Variants in PDE1C observed in about 807,000 individuals in gnomAD.
PDE1C encodes dual specificity calcium/calmodulin-dependent 3',5'-cyclic nucleotide phosphodiesterase 1C.
A neutral mutation model predicts 93.1 loss-of-function variants in PDE1C; 62 were observed. The ratio of observed to expected loss-of-function variants is 0.67; its 90% CI spans 0.54 to 0.82. The LOEUF (loss-of-function observed/expected upper bound fraction) is 0.82, where lower values mean the gene tolerates loss of function less well. Ranked by LOEUF, PDE1C falls within the 40% of genes least tolerant of loss-of-function variation. PDE1C has a pLI of 0.00. For synonymous variants in PDE1C, 325 were observed against 310.1 expected (o/e 1.05, Z -0.50); for missense variants, 742 against 884.6 (o/e 0.84, Z 2.04).
At chr7:32,298,901 C>T in exon 1 of PDE1C, 2 of 1,362,746 alleles carry the variant, frequency 1.5e-6, no homozygotes, top group East Asian at 6.0e-5. Flanking sequence ...CTGGAGACAA[C>T]AGCGGGGACC....
intron 3 of PDE1C, among the ~76,000 whole-genome samples, chr7:32,093,157 T>C (rs189072251): frequency 1.3e-5 from 2 of 152,350 alleles, no homozygotes; most frequent in African/African-American, 2.4e-5. Flanking sequence ...CATAGAAGGG[T>C]AGGTAGAATG....
chr7:32,310,885 C>T (rs1783013326), intron 1 of PDE1C, among the ~76,000 whole-genome samples: 1 of 151,804 alleles, frequency 6.6e-6, no homozygotes, highest in African/African-American at 2.4e-5. Flanking sequence ...TAGCAGAAGG[C>T]AAGAAATAAC....
chr7:31,675,022 A>G, the PDE1C span, among the ~76,000 whole-genome samples: 1 of 152,184 alleles, frequency 6.6e-6, no homozygotes, highest in Admixed American at 6.5e-5. Context: ...TACGCTTGCT[A>G]CTTTGGGCTG....
chr7:31,792,851 A>G (rs945839262), intron 16 of PDE1C, among the ~76,000 whole-genome samples: 5 of 152,128 alleles, frequency 3.3e-5, no homozygotes, highest in Non-Finnish European at 7.4e-5. Context: ...CACAAAAAGT[A>G]GTTAAATCCT....
the PDE1C span, among the ~76,000 whole-genome samples, chr7:31,741,192 A>G: frequency 6.6e-6 from 1 of 151,064 alleles, no homozygotes; most frequent in Admixed American, 6.6e-5. Flanking sequence ...CACCTTTTTT[A>G]TTTCTATTTT....
At chr7:31,786,004 A>T (rs1336617067) in intron 16 of PDE1C, 1 of 152,202 alleles carries the variant, frequency 6.6e-6, no homozygotes, top group African/African-American at 2.4e-5. Flanking sequence ...CCATTTGTTC[A>T]TGCATAAGAT....
At chr7:31,783,457 A>G (rs1333778012) in intron 16 of PDE1C, 1 of 152,220 alleles carries the variant, frequency 6.6e-6, no homozygotes, top group East Asian at 1.9e-4. Context: ...TATCTGAGAC[A>G]GAACATGGAC....
chr7:31,871,776 G>A (rs1044590582), intron 6 of PDE1C, among the ~76,000 whole-genome samples: 1 of 151,170 alleles, frequency 6.6e-6, no homozygotes, highest in Non-Finnish European at 1.5e-5. Context: ...AATTGGTACA[G>A]TCACTATGGA....
upstream of PDE1C, chr7:32,070,707 C>T: frequency 8.2e-7 from 1 of 1,213,688 alleles, no homozygotes; most frequent in Non-Finnish European, 1.0e-6. Flanking sequence ...AGAGAAAGCA[C>T]CTCGGGTCTA....
At chr7:32,035,835 T>C (rs933583907) in intron 2 of PDE1C, among the ~76,000 whole-genome samples, 4 of 152,192 alleles carry the variant, frequency 2.6e-5, no homozygotes, top group Non-Finnish European at 2.9e-5. Flanking sequence ...CTGATGGCAA[T>C]GGATGCCAGC....
At chr7:31,657,424 A>T in the PDE1C span, among the ~76,000 whole-genome samples, 4 of 152,216 alleles carry the variant, frequency 2.6e-5, no homozygotes, top group African/African-American at 9.6e-5. Context: ...TCTCATTGCT[A>T]TAGAAAAATT....
intron 1 of PDE1C, among the ~76,000 whole-genome samples, chr7:32,321,750 C>T (rs1359646553): frequency 6.6e-6 from 1 of 152,172 alleles, no homozygotes; most frequent in African/African-American, 2.4e-5. Flanking sequence ...GCATAAATTT[C>T]CCAGGGCAGG....
At chr7:31,670,147 C>G in the PDE1C span, among the ~76,000 whole-genome samples, 6 of 152,186 alleles carry the variant, frequency 3.9e-5, no homozygotes, top group African/African-American at 1.4e-4. Flanking sequence ...CTGAGTATCC[C>G]TTATCTGAAA....
chr7:32,003,417 T>C (rs1307332565), intron 2 of PDE1C, among the ~76,000 whole-genome samples: 5 of 152,230 alleles, frequency 3.3e-5, no homozygotes, highest in Non-Finnish European at 5.9e-5. Context: ...TTCTGTATAG[T>C]GCAATCACAT....
intron 1 of PDE1C, among the ~76,000 whole-genome samples, chr7:32,332,429 A>T (rs1311552417): frequency 2.0e-5 from 3 of 152,142 alleles, no homozygotes; most frequent in Non-Finnish European, 4.4e-5. Flanking sequence ...TACATTATTT[A>T]TGGTAATTTA....
At chr7:32,013,302 G>A (rs550818856) in intron 2 of PDE1C, among the ~76,000 whole-genome samples, 9 of 152,294 alleles carry the variant, frequency 5.9e-5, no homozygotes, top group South Asian at 4.1e-4. Context: ...CCTTATGCAC[G>A]TGTGTTTGAA....
the PDE1C span, among the ~76,000 whole-genome samples, chr7:31,743,111 T>C: frequency 6.6e-6 from 1 of 152,212 alleles, no homozygotes. Flanking sequence ...TTTTTTCTCC[T>C]ACCCTCTACC....
chr7:31,956,417 G>A (rs73310524), intron 2 of PDE1C, among the ~76,000 whole-genome samples: 4,740 of 151,780 alleles, frequency 0.031, 235 homozygotes, highest in African/African-American at 0.11. Context: ...ATGGCATCCA[G>A]GCAGACAGTC....
At chr7:32,167,031 C>G (rs1181528836) in intron 3 of PDE1C, among the ~76,000 whole-genome samples, 3 of 152,020 alleles carry the variant, frequency 2.0e-5, no homozygotes, top group African/African-American at 7.2e-5. Context: ...TTAAGCCTGG[C>G]AAATAAGAAC....
Sources: gnomAD v4.1 joint callset for allele counts (sites outside exome capture counted in the v4.1 genomes callset) on GRCh38, gnomAD v4.1.1 for gene constraint, MANE v1.5 for transcripts, NCBI Gene and HGNC (gene_info 2026-07-23, HGNC 2026-07-21) for gene names.